ST6GALNAC2: variants seen among roughly 807,000 people sequenced by gnomAD.
ST6GALNAC2 encodes the protein ST6 N-acetylgalactosaminide alpha-2,6-sialyltransferase 2.
A neutral mutation model predicts 38.7 loss-of-function variants in ST6GALNAC2; 42 were observed. The ratio of observed to expected loss-of-function variants is 1.09; its 90% CI spans 0.85 to 1.40. ST6GALNAC2 has a LOEUF of 1.40. ST6GALNAC2 is among the 40% of genes most tolerant of loss of function. The probability of loss-of-function intolerance (pLI) is 0.00; values close to 1 mark genes in which losing one functional copy is unlikely to be tolerated. For missense variants in ST6GALNAC2, 506 were observed against 481.7 expected (o/e 1.05, Z -0.47); for synonymous variants, 233 against 209.0 (o/e 1.11, Z -0.99).
At position 76,567,421 on chromosome 17, in the gene ST6GALNAC2, G is replaced by T. The variant is rs371194897; in HGVS notation, c.957+32C>A. ...GGGTTCTGTTATCCTGTGTTCTGCC[G>T]GCATGGGCTTCTGGAAGAGAAGGCC... On this transcript the variant is annotated intron_variant, in intron 8 of 8. Transcript: ENST00000225276. 7.3e-6 allele frequency: 11 copies of T among 1,501,474 alleles called. No individual in the cohort carries two copies. The East Asian group carries it at 1.1e-4, about 15-fold the overall frequency. The allele number at this position is 1,501,474 out of a possible 1,614,324, so 93.0% of individuals were successfully genotyped here. A position where few individuals can be genotyped will look rare whatever the true frequency, so the allele number is the denominator to read the frequency against.
rs146729471 is a variant in ST6GALNAC2 at position 76,578,754 on chromosome 17, A to G, written c.186+2T>C. ...CTGCCACAGGGTAGTCGACCACTCT[A>G]CCTTTCCTGTCCAAGAATTCGATGC... is the stretch of plus-strand genomic sequence containing the variant. On this transcript the variant is annotated splice_donor_variant, in intron 2 of 8. Transcript: ENST00000225276. LOFTEE classifies it high-confidence loss of function. 43 of 1,613,094 alleles carry G rather than the reference A, an allele frequency of 2.7e-5. No individual in the cohort carries two copies. The highest frequency in any genetic ancestry group is 3.5e-5 in the Non-Finnish European group (41 of 1,179,598).
chr17:76,572,808 G>A (rs368952340), intron 4 of ST6GALNAC2, 33 bp from the exon 5 acceptor site: 101 of 1,612,980 alleles, frequency 6.3e-5, no homozygotes, highest in Non-Finnish European at 4.2e-5. Context: ...AGTGTCTGCG[G>A]TTACACCAGG....
Position 76,572,845 on chromosome 17 carries a change from G to A in ST6GALNAC2, c.531-70C>T, listed in dbSNP as rs888788911. 4.5e-6 allele frequency: 7 copies of A among 1,567,970 alleles called. No individual in the cohort carries two copies. In the African/African-American group the frequency reaches 9.4e-5, roughly 21 times the overall value. ...CGTCTGTTCTGCTTCCATCTCCACGGCTCTGCCTGGCCTATCCCCCTGCCT... is the reference window on the plus strand; with the variant it reads ...CGTCTGTTCTGCTTCCATCTCCACGACTCTGCCTGGCCTATCCCCCTGCCT... On this transcript the variant is annotated intron_variant, in intron 4 of 8. Transcript: ENST00000225276.
chr17:76,568,504 G>T (rs1387250455), intron 7 of ST6GALNAC2: 2 of 596,856 alleles, frequency 3.4e-6, no homozygotes, highest in Non-Finnish European at 3.0e-6. Context: ...TCCATTTCCT[G>T]GTGACTGACA....
Position 76,574,558 on chromosome 17 carries a change from G to C in ST6GALNAC2, c.187-19C>G. On this transcript the variant is annotated intron_variant, in intron 2 of 8. Transcript: ENST00000225276. ...CCTGGCCCTGTGGGTGAGAAGGTGA[G>C]GGCTGAGCCCCGTTAGGTAGGGGCT... 1 of 1,604,202 alleles carries C rather than the reference G, an allele frequency of 6.2e-7. No individual in the cohort carries two copies. The highest frequency in any genetic ancestry group is 8.5e-7 in the Non-Finnish European group (1 of 1,175,012).
intron 1 of ST6GALNAC2, among the ~76,000 whole-genome samples, chr17:76,583,635 G>A (rs2075507453): frequency 1.3e-5 from 2 of 149,602 alleles, no homozygotes; most frequent in Non-Finnish European, 3.0e-5. Flanking sequence ...TGCTCCTTGT[G>A]GAGCAGGGCT....
Position 76,573,162 on chromosome 17 carries a change from C to CCA in ST6GALNAC2, c.530+32_530+33insTG. On this transcript the variant is annotated intron_variant, in intron 4 of 8. Transcript: ENST00000225276. This position sits in a 1 kb window ranked among gnomAD's most constrained non-coding sequence, Gnocchi z 5.1. The stretch of plus-strand genomic sequence containing the variant: ...ACCCCCACCCTCCAGGCAACTCTCC[C>CCA]TCCCGCCCCTCCCCAGCTCCTACCC... The CCA allele has an allele frequency of 6.4e-7, 1 of 1,561,206 alleles. No homozygotes were observed. The highest frequency in any genetic ancestry group is 8.7e-7 in the Non-Finnish European group (1 of 1,145,350).
intron 1 of ST6GALNAC2, among the ~76,000 whole-genome samples, chr17:76,580,217 G>C (rs1030239205): frequency 2.0e-5 from 3 of 152,136 alleles, no homozygotes; most frequent in Non-Finnish European, 4.4e-5. Context: ...TCAGGAGTTC[G>C]AGACCAACCT....
At chr17:76,569,683 C>G in intron 6 of ST6GALNAC2, 1 of 395,656 alleles carries the variant, frequency 2.5e-6, no homozygotes, top group Non-Finnish European at 4.4e-6. Context: ...CCCGATGTCT[C>G]TGAGGCAGCC....
At chr17:76,580,156 C>T (rs1401377411) in intron 1 of ST6GALNAC2, among the ~76,000 whole-genome samples, 1 of 152,210 alleles carries the variant, frequency 6.6e-6, no homozygotes, top group Non-Finnish European at 1.5e-5. Flanking sequence ...CACGGTGGCT[C>T]ATGCCTGTAA....
chr17:76,568,009 AG>A, intron 7 of ST6GALNAC2: 1 of 176,376 alleles, frequency 5.7e-6, no homozygotes, highest in Non-Finnish European at 1.2e-5. Context: ...GAGCTGTGCC[AG>A]GCCGATCACC....
chr17:76,578,866 C>T (rs954950912), intron 1 of ST6GALNAC2, 50 bp from the exon 2 acceptor site: 1 of 1,575,328 alleles, frequency 6.3e-7, no homozygotes. Flanking sequence ...TGACCTACCC[C>T]TTGGAAGCTT....
chr17:76,584,896 AC>A (rs2075525784), intron 1 of ST6GALNAC2, among the ~76,000 whole-genome samples: 1 of 152,210 alleles, frequency 6.6e-6, no homozygotes, highest in Admixed American at 6.5e-5. Context: ...CAGACTTCGC[AC>A]GGCTTGGTCC....
At chr17:76,568,181 G>A (rs1237010452) in intron 7 of ST6GALNAC2, 1 of 161,530 alleles carries the variant, frequency 6.2e-6, no homozygotes, top group East Asian at 1.8e-4. Context: ...TTGACACTTG[G>A]GGCCAGGTGC....
intron 1 of ST6GALNAC2, among the ~76,000 whole-genome samples, chr17:76,580,184 A>G (rs1309469499): frequency 6.6e-6 from 1 of 152,096 alleles, no homozygotes; most frequent in Non-Finnish European, 1.5e-5. Flanking sequence ...ACTTTGGGAG[A>G]CCGAGGTGGG....
In ST6GALNAC2 at chr17:76,585,676, G is replaced by A; in HGVS notation, c.125+8C>T. The A allele has an allele frequency of 2.0e-6, 3 of 1,523,002 alleles. No homozygotes were observed. The highest frequency in any genetic ancestry group is 1.8e-6 in the Non-Finnish European group (2 of 1,140,424). 94.3% of individuals were successfully genotyped at this position (1,523,002 alleles called of 1,614,324 possible). A position where few individuals can be genotyped will look rare whatever the true frequency, so the allele number is the denominator to read the frequency against. ...GCGCCCTCCCGCTCTGCGCTCGGCA[G>A]CCCCTACCTGGCTCCGGCCGCTGGC... On this transcript the variant is annotated splice_region_variant and intron_variant, in intron 1 of 8. Coordinates refer to ENST00000225276, the MANE Select transcript of ST6GALNAC2 (RefSeq NM_006456.3).
intron 3 of ST6GALNAC2, 121 bp downstream of exon 3, chr17:76,574,244 G>A: frequency 8.5e-7 from 1 of 1,182,964 alleles, no homozygotes; most frequent in Middle Eastern, 2.1e-4. Flanking sequence ...TGGGAGGAGA[G>A]AGGGGGACAG....
intron 2 of ST6GALNAC2, 74 bp downstream of exon 2, chr17:76,578,682 C>A: frequency 1.4e-6 from 2 of 1,388,568 alleles, no homozygotes; most frequent in South Asian, 2.5e-5. Flanking sequence ...AGAGTGTTCT[C>A]GTTTGCTCTT....
Position 76,572,671 on chromosome 17 carries a change from C to T in ST6GALNAC2, c.635G>A (p.Trp212Ter). Residue 212 changes from tryptophan to a stop codon, truncating the protein, a stop_gained, in exon 5 of 9, where the codon TGG becomes TAG. Coordinates refer to ENST00000225276, the MANE Select transcript of ST6GALNAC2 (RefSeq NM_006456.3). LOFTEE classifies it high-confidence loss of function. ...NTMKNSLVSY[W>*]NLGFTSVPQG... ...TGGCACGGAGGTGAAGCCCAGATTC[C>T]AGTAGGAGACGAGGGAGTTCTTCAT... is the stretch of plus-strand genomic sequence containing the variant. 2 of 1,614,160 alleles carry T rather than the reference C, an allele frequency of 1.2e-6. No homozygotes were observed. Among genetic ancestry groups the T allele is most frequent in the African/African-American group, 1.3e-5 (1 of 75,060 alleles).
Sources: allele counts gnomAD v4.1 joint callset (sites outside exome capture counted in the v4.1 genomes callset), GRCh38; gene constraint gnomAD v4.1.1; non-coding constraint Gnocchi (gnomAD v3.1); transcripts MANE v1.5; gene names NCBI Gene and HGNC (gene_info 2026-07-23, HGNC 2026-07-21).